BAIAP2L1: variants seen among roughly 807,000 people sequenced by gnomAD.
The protein encoded by BAIAP2L1 is BAR/IMD domain containing adaptor protein 2 like 1.
BAIAP2L1 carries 35 observed loss-of-function variants against 66.3 expected under a neutral mutation model. The ratio of observed to expected loss-of-function variants is 0.53; its 90% confidence interval spans 0.40 to 0.70. The LOEUF (loss-of-function observed/expected upper bound fraction) is 0.70, where lower values mean the gene tolerates loss of function less well. Among genes scored for constraint, BAIAP2L1 ranks in the 30% least tolerant of loss-of-function variants. The pLI is 0.00. For missense variants in BAIAP2L1, 622 were observed against 656.9 expected, an observed-to-expected ratio of 0.95 and a Z score of 0.58; for synonymous variants, 269 against 248.7, an observed-to-expected ratio of 1.08 and a Z score of -0.77.
intron 10 of BAIAP2L1, chr7:98,307,476 A>G (rs1456882959): frequency 4.2e-6 from 6 of 1,420,720 alleles, no homozygotes; most frequent in Non-Finnish European, 5.5e-6. Flanking sequence ...ATACGCTCTA[A>G]TAACTATGCA....
At chr7:98,384,972 T>C (rs1802853264) in intron 1 of BAIAP2L1, among the ~76,000 whole-genome samples, 1 of 152,140 alleles carries the variant, frequency 6.6e-6, no homozygotes, top group Non-Finnish European at 1.5e-5. Context: ...GTGCTGGGAT[T>C]ACAGGCATGA....
rs1802584082 is a variant in BAIAP2L1, at chr7:98,374,882, TC to T, written c.52-12451del. On this transcript the variant is annotated intron_variant, in intron 1 of 13. Coordinates refer to ENST00000005260, the MANE Select transcript of BAIAP2L1 (RefSeq NM_018842.5). Reference sequence around the variant, plus strand: ...GGGAGGATCGCTTGAGGTCAGGGGTTCAAGACCAGCCTAAGCAACATAGCAA... The same window carrying T: ...GGGAGGATCGCTTGAGGTCAGGGGTTAAGACCAGCCTAAGCAACATAGCAA... Among the ~76,000 whole-genome samples the T allele has an allele frequency of 2.0e-5, 3 of 151,426 alleles. No homozygotes were observed. The South Asian group carries it at 6.3e-4, about 32-fold the overall frequency.
chr7:98,305,461 C>T (rs1409370930), intron 11 of BAIAP2L1, among the ~76,000 whole-genome samples: 3 of 152,142 alleles, frequency 2.0e-5, no homozygotes, highest in Admixed American at 6.6e-5. Flanking sequence ...GGGAATGCAA[C>T]GTCGGACCTG....
chr7:98,365,609 G>A (rs1293908228), intron 1 of BAIAP2L1, among the ~76,000 whole-genome samples: 1 of 152,044 alleles, frequency 6.6e-6, no homozygotes, highest in Non-Finnish European at 1.5e-5. Context: ...TAGCTGCGGG[G>A]GGTGGATCAC....
chr7:98,355,408 T>A (rs1802096201), intron 2 of BAIAP2L1: 1 of 454,684 alleles, frequency 2.2e-6, no homozygotes, highest in Middle Eastern at 6.2e-4. Context: ...TTGCTCCTGA[T>A]GCCAGTTTCA....
At chr7:98,357,022 T>A (rs58024299) in intron 2 of BAIAP2L1, among the ~76,000 whole-genome samples, 3,758 of 13,432 alleles carry the variant, frequency 0.28, 117 homozygotes, top group Middle Eastern at 0.38. Flanking sequence ...AAAAAAAAAA[T>A]ATATATATAT....
chr7:98,397,242 ACT>A (rs79518236), intron 1 of BAIAP2L1, among the ~76,000 whole-genome samples: 36,468 of 148,516 alleles, frequency 0.25, 4,644 homozygotes, highest in East Asian at 0.45. Context: ...CTCCCCTTTG[ACT>A]CTGTTAGCAA....
intron 3 of BAIAP2L1, among the ~76,000 whole-genome samples, chr7:98,353,578 TAC>T (rs1213986126): frequency 7.2e-6 from 1 of 137,960 alleles, no homozygotes; most frequent in Non-Finnish European, 1.5e-5. Context: ...ATATTATAAA[TAC>T]ATATATATTT....
Position 98,396,327 on chromosome 7 carries a change from C to A in BAIAP2L1, c.51+4475G>T, listed in dbSNP as rs992721191. On this transcript the variant is annotated intron_variant, in intron 1 of 13. Coordinates refer to ENST00000005260, the MANE Select transcript of BAIAP2L1 (RefSeq NM_018842.5). The stretch of plus-strand genomic sequence containing the variant: ...CAAGCAATCCACCTATCTTGACCCC[C>A]CAAAGTGCTGGGATTACAGGCATGA... Among the ~76,000 whole-genome samples the A allele has an allele frequency of 3.3e-5, 5 of 152,250 alleles. No homozygotes were observed. The East Asian group carries it at 9.7e-4, about 29-fold the overall frequency.
chr7:98,313,021 C>T (rs1166597227), intron 7 of BAIAP2L1, among the ~76,000 whole-genome samples: 2 of 152,276 alleles, frequency 1.3e-5, no homozygotes, highest in Admixed American at 6.5e-5. Flanking sequence ...ATGGCAGTCA[C>T]ACTGCTTTTA....
At chr7:98,392,167 T>TAAAAAA (rs5886065) in intron 1 of BAIAP2L1, among the ~76,000 whole-genome samples, 4 of 120,752 alleles carry the variant, frequency 3.3e-5, no homozygotes, top group Non-Finnish European at 6.7e-5. Context: ...ACCCCCTCGC[T>TAAAAAA]AAAAAAAAAA....
Position 98,353,569 on chromosome 7 carries a change from T to C in BAIAP2L1, c.214+1473A>G, listed in dbSNP as rs1386832617. 4.4e-5 allele frequency among the ~76,000 whole-genome samples: 6 copies of C among 137,688 alleles called. No individual in the cohort carries two copies. In the East Asian group the frequency reaches 8.1e-4, roughly 18 times the overall value. 90.3% of individuals were successfully genotyped at this position (137,688 alleles called of 152,430 possible). A position where few individuals can be genotyped will look rare whatever the true frequency, so the allele number is the denominator to read the frequency against. ...TATATTATAAATATATGTATATTAA[T>C]ATTATAAATACATATATATTTATAT... On this transcript the variant is annotated intron_variant, in intron 3 of 13. Transcript: ENST00000005260.
intron 1 of BAIAP2L1, among the ~76,000 whole-genome samples, chr7:98,368,673 G>C (rs113930815): frequency 2.6e-5 from 4 of 152,246 alleles, no homozygotes; most frequent in African/African-American, 9.6e-5. Context: ...CCTGGTGACA[G>C]AGCAAGACTC....
rs1037536403 is a variant in BAIAP2L1, at chr7:98,292,494, CAA to C, written c.*1025_*1026del. ...GAATTTTAACCATGACTCTCCACTCCAAAATAGGTCCAGATCCTTGGCAGCCA... is the reference window on the plus strand; with the variant it reads ...GAATTTTAACCATGACTCTCCACTCCAATAGGTCCAGATCCTTGGCAGCCA... On this transcript the variant is annotated 3_prime_UTR_variant, in exon 14 of 14. Transcript: ENST00000005260. 3.4e-5 allele frequency: 27 copies of C among 798,116 alleles called. No homozygotes were observed. Among genetic ancestry groups the C allele is most frequent in the Non-Finnish European group, 5.2e-5 (26 of 496,686 alleles). The allele number at this position is 798,116 out of a possible 1,614,324, so 49.4% of individuals were successfully genotyped here.
chr7:98,352,513 G>A (rs1247399653), intron 3 of BAIAP2L1, among the ~76,000 whole-genome samples: 2 of 152,046 alleles, frequency 1.3e-5, no homozygotes, highest in Admixed American at 6.6e-5. Flanking sequence ...ATGGTGGTGG[G>A]CACCTGTAAT....
intron 3 of BAIAP2L1, among the ~76,000 whole-genome samples, chr7:98,324,624 G>A (rs1349072425): frequency 2.0e-5 from 3 of 152,116 alleles, no homozygotes; most frequent in Admixed American, 2.0e-4. Context: ...CAGGCGGGAG[G>A]ATCGCTTGAG....
intron 9 of BAIAP2L1, chr7:98,310,192 C>A: frequency 2.3e-6 from 1 of 431,254 alleles, no homozygotes; most frequent in Non-Finnish European, 4.1e-6. Flanking sequence ...AGTATGTTTA[C>A]TCTGGATAAA....
At chr7:98,366,601 T>C (rs746142611) in intron 1 of BAIAP2L1, among the ~76,000 whole-genome samples, 81 of 152,204 alleles carry the variant, frequency 5.3e-4, no homozygotes, top group Non-Finnish European at 9.0e-4. Flanking sequence ...ATTTATTGGG[T>C]ATTGTTTTTA....
At chr7:98,316,341 T>C (rs1463029983) in intron 6 of BAIAP2L1, among the ~76,000 whole-genome samples, 1 of 152,150 alleles carries the variant, frequency 6.6e-6, no homozygotes, top group Middle Eastern at 3.2e-3. Flanking sequence ...TAATAAAATA[T>C]GATTTAACCT....
Sources: gnomAD v4.1 joint callset for allele counts (sites outside exome capture counted in the v4.1 genomes callset) on GRCh38, gnomAD v4.1.1 for gene constraint, MANE v1.5 for transcripts, NCBI Gene and HGNC (gene_info 2026-07-23, HGNC 2026-07-21) for gene names.